CPNE3: variants seen among roughly 807,000 people sequenced by gnomAD.
The protein encoded by CPNE3 is copine 3, also known as copine-3.
A neutral mutation model predicts 63.9 loss-of-function variants in CPNE3; 68 were observed. That is an observed-to-expected ratio of 1.06 (90% CI 0.87 to 1.30). The LOEUF is 1.30. Among genes scored for constraint, CPNE3 ranks in the 50% most tolerant of loss-of-function variants. The pLI, the probability that CPNE3 is intolerant of heterozygous loss-of-function variation, is 0.00. For missense variants in CPNE3, 665 were observed against 578.1 expected (o/e 1.15, Z -1.54); for synonymous variants, 219 against 197.5 (o/e 1.11, Z -0.91).
At chr8:86,530,257 C>A (rs907520921) in intron 4 of CPNE3, among the ~76,000 whole-genome samples, 6 of 151,546 alleles carry the variant, frequency 4.0e-5, no homozygotes, top group African/African-American at 1.5e-4. Flanking sequence ...ACAGCCTTGA[C>A]CTCCCGGGTT....
Position 86,529,069 on chromosome 8 carries a change from C to T in CPNE3, c.257C>T (p.Thr86Ile). The T allele has an allele frequency of 6.2e-7, 1 of 1,613,986 alleles. No individual in the cohort carries two copies. Among genetic ancestry groups the T allele is most frequent in the Non-Finnish European group, 8.5e-7 (1 of 1,179,944 alleles). ...KFGVYDIDNK[T>I]IELSDDDFLG... ...GGGGTTTATGACATCGACAACAAAA[C>T]TATTGAGCTGAGTGATGATGACTTC... The change falls in exon 4 of 17, where the codon ACT becomes ATT. Residue 86 changes from threonine (T) to isoleucine (I), a missense_variant. Coordinates refer to ENST00000517490, the MANE Select transcript of CPNE3 (RefSeq NM_003909.5).
chr8:86,537,383 T>C (rs1339770841), intron 6 of CPNE3, among the ~76,000 whole-genome samples, 180 bp from the exon 7 acceptor site: 1 of 152,180 alleles, frequency 6.6e-6, no homozygotes, highest in East Asian at 1.9e-4. Flanking sequence ...CTTTGATAAT[T>C]CTCCCTAGTA....
chr8:86,535,509 A>G (rs796900557), intron 6 of CPNE3, among the ~76,000 whole-genome samples: 3 of 152,082 alleles, frequency 2.0e-5, no homozygotes, highest in African/African-American at 7.2e-5. Flanking sequence ...GTCTAGTAAA[A>G]ATACAAAAAT....
intron 9 of CPNE3, among the ~76,000 whole-genome samples, chr8:86,546,271 C>T (rs1040364108): frequency 6.6e-6 from 1 of 151,540 alleles, no homozygotes; most frequent in Non-Finnish European, 1.5e-5. Context: ...TAGGGCCCAA[C>T]TCTATGGTAA....
chr8:86,556,126 A>G lies in CPNE3; in HGVS notation c.1279A>G (p.Thr427Ala), dbSNP rs1821319157. The G allele has an allele frequency of 1.1e-6, 1 of 872,882 alleles. No individual in the cohort carries two copies. Among genetic ancestry groups the G allele is most frequent in the Non-Finnish European group, 2.0e-6 (1 of 501,692 alleles). 54.1% of individuals were successfully genotyped at this position (872,882 alleles called of 1,614,324 possible). ...GCAATATTTTGTGCTTTTGATTATT[A>G]CTGATGGTGTGATCACAGACCTTGA... Reference protein sequence around the residue: ...ASQYFVLLIITDGVITDLDET... With the variant: ...ASQYFVLLIIADGVITDLDET... The change falls in exon 16 of 17, where the codon ACT becomes GCT. Residue 427 changes from threonine to alanine, a missense_variant. Coordinates refer to ENST00000517490, the MANE Select transcript of CPNE3 (RefSeq NM_003909.5).
intron 16 of CPNE3, among the ~76,000 whole-genome samples, chr8:86,557,416 G>A (rs1004371602): frequency 5.3e-5 from 8 of 152,164 alleles, no homozygotes; most frequent in Admixed American, 1.3e-4. Context: ...GATTACAGCC[G>A]TGTGCCACCG....
At chr8:86,537,058 G>A (rs748754789) in intron 6 of CPNE3, among the ~76,000 whole-genome samples, 32 of 152,122 alleles carry the variant, frequency 2.1e-4, no homozygotes, top group Non-Finnish European at 4.7e-4. Context: ...AAGGAGTTTT[G>A]GACATAGAAG....
chr8:86,543,003 T>G (rs1820975031), intron 8 of CPNE3, among the ~76,000 whole-genome samples: 1 of 152,102 alleles, frequency 6.6e-6, no homozygotes, highest in African/African-American at 2.4e-5. Flanking sequence ...TGATTGCAAA[T>G]CTAAAATGTA....
At chr8:86,544,912 C>A in intron 9 of CPNE3, 74 bp downstream of exon 9, 4 of 834,362 alleles carry the variant, frequency 4.8e-6, no homozygotes, top group Middle Eastern at 2.4e-4. Flanking sequence ...CATTTTTTTC[C>A]CATAGCATCA....
intron 8 of CPNE3, among the ~76,000 whole-genome samples, chr8:86,542,075 G>A (rs1190609804): frequency 6.6e-6 from 1 of 152,116 alleles, no homozygotes; most frequent in Non-Finnish European, 1.5e-5. Flanking sequence ...TTTTATTATA[G>A]TAAGTAAACT....
At chr8:86,524,150 T>C (rs562630801) in intron 2 of CPNE3, among the ~76,000 whole-genome samples, 1 of 152,248 alleles carries the variant, frequency 6.6e-6, no homozygotes, top group East Asian at 1.9e-4. Flanking sequence ...TGTATCTCCA[T>C]GTTTGGGAGA....
intron 4 of CPNE3, among the ~76,000 whole-genome samples, chr8:86,530,489 T>C (rs763839271): frequency 1.3e-5 from 2 of 151,468 alleles, no homozygotes; most frequent in African/African-American, 2.4e-5. Flanking sequence ...ATTTATTGAG[T>C]GTTCTGAAGC....
chr8:86,553,111 G>T lies in CPNE3; in HGVS notation c.1121-1740G>T, dbSNP rs1186714511. On this transcript the variant is annotated intron_variant, in intron 14 of 16. Coordinates refer to ENST00000517490, the MANE Select transcript of CPNE3 (RefSeq NM_003909.5). ...ACTGCTGACCTCTTGTGATCTACCT[G>T]CCTCTGCCTCCCGAAGTGCTGAGAT... is the stretch of plus-strand genomic sequence containing the variant. Among the ~76,000 whole-genome samples, 3 of 151,622 alleles carry T rather than the reference G, an allele frequency of 2.0e-5. No individual in the cohort carries two copies. In the East Asian group the frequency reaches 5.9e-4, roughly 30 times the overall value.
At chr8:86,521,470 CTT>C (rs1279823587) in intron 2 of CPNE3, 7 of 152,220 alleles carry the variant, frequency 4.6e-5, no homozygotes, top group Admixed American at 2.6e-4. Flanking sequence ...ATTAACAAGA[CTT>C]AAGGAAATTA....
intron 15 of CPNE3, among the ~76,000 whole-genome samples, chr8:86,555,665 AT>A (rs994562325): frequency 6.6e-6 from 1 of 152,042 alleles, no homozygotes; most frequent in African/African-American, 2.4e-5. Context: ...AACCATATCT[AT>A]TTTTTTGTGT....
intron 15 of CPNE3, among the ~76,000 whole-genome samples, chr8:86,555,547 A>C (rs772913375): frequency 1.3e-5 from 2 of 152,200 alleles, no homozygotes; most frequent in Non-Finnish European, 2.9e-5. Flanking sequence ...TTCCTATTCT[A>C]GACTTAAATG....
chr8:86,556,108 T>G lies in CPNE3; in HGVS notation c.1261T>G (p.Phe421Val). 1 of 872,922 alleles carries G rather than the reference T, an allele frequency of 1.1e-6. No individual in the cohort carries two copies. The highest frequency in any genetic ancestry group is 1.3e-5 in the South Asian group (1 of 76,534). 54.1% of individuals were successfully genotyped at this position (872,922 alleles called of 1,614,324 possible). Residue 421 changes from phenylalanine to valine, a missense_variant, in exon 16 of 17, where the codon TTT becomes GTT. Physicochemically the swap from Phe to Val is conservative, Grantham distance 50 (BLOSUM62 -1). Coordinates refer to ENST00000517490, the MANE Select transcript of CPNE3 (RefSeq NM_003909.5). The part of the protein sequence containing the change: ...ATQQQTASQY[F>V]VLLIITDGVI... ...TGTTTTCTTTTTCTGGCAGCAATAT[T>G]TTGTGCTTTTGATTATTACTGATGG...
At chr8:86,526,522 T>G (rs1364377208) in intron 2 of CPNE3, among the ~76,000 whole-genome samples, 2 of 151,318 alleles carry the variant, frequency 1.3e-5, no homozygotes, top group Admixed American at 6.6e-5. Flanking sequence ...TTTGTTTTGT[T>G]TTTTTTTTGA....
In CPNE3 at chr8:86,529,086, G is replaced by A. The variant is rs559781111; in HGVS notation, c.274G>A (p.Asp92Asn). 5.6e-6 allele frequency: 9 copies of A among 1,614,014 alleles called. No homozygotes were observed. The East Asian group carries it at 2.0e-4, about 36-fold the overall frequency. Reference protein sequence around the residue: ...IDNKTIELSDDDFLGECECTL... With the variant: ...IDNKTIELSDNDFLGECECTL... Reference sequence around the variant, plus strand: ...CAACAAAACTATTGAGCTGAGTGATGATGACTTCTTAGGGGAATGTGAATG... The same window carrying A: ...CAACAAAACTATTGAGCTGAGTGATAATGACTTCTTAGGGGAATGTGAATG... The change falls in exon 4 of 17, where the codon GAT (aspartate) becomes AAT (asparagine). Residue 92 changes from aspartate (D) to asparagine (N), a missense_variant. Asp to Asn is a conservative substitution (Grantham distance 23). Transcript: ENST00000517490.
Sources: allele counts gnomAD v4.1 joint callset (sites outside exome capture counted in the v4.1 genomes callset), GRCh38; gene constraint gnomAD v4.1.1; transcripts MANE v1.5; gene names NCBI Gene and HGNC (gene_info 2026-07-23, HGNC 2026-07-21).